The following AGRN variants were observed in gnomAD, a reference collection of about 807,000 sequenced individuals.
AGRN encodes the protein agrin.
Under a neutral mutation model 211.0 loss-of-function variants are expected in AGRN, and 106 were observed. The ratio of observed to expected loss-of-function variants is 0.50; its 90% CI spans 0.43 to 0.59. The LOEUF is 0.59. Ranked by LOEUF, AGRN falls within the 20% of genes least tolerant of loss-of-function variation. The pLI is 0.00. For synonymous variants in AGRN, 1,525 were observed against 1,332.5 expected (o/e 1.14, Z -3.15); for missense variants, 3,040 against 2,982.6 (o/e 1.02, Z -0.45).
Position 1,031,517 on chromosome 1 carries a change from G to A in AGRN, c.464-3760G>A, listed in dbSNP as rs1008251584. On this transcript the variant is annotated intron_variant, in intron 2 of 35. Coordinates refer to ENST00000379370, the MANE Select transcript of AGRN (RefSeq NM_198576.4). This position sits in a 1 kb window ranked among gnomAD's most constrained non-coding sequence, Gnocchi z 4.8. ...GGCCTCTGTGGGGGGCTCAGACACT[G>A]ACTGGGGCTGGGTGGGGCCAGGCTG... is the stretch of plus-strand genomic sequence containing the variant. Among the ~76,000 whole-genome samples the A allele has an allele frequency of 1.8e-4, 27 of 152,176 alleles. No individual in the cohort carries two copies. The highest frequency in any genetic ancestry group is 4.4e-5 in the Non-Finnish European group (3 of 67,992).
intron 18 of AGRN, 22 bp downstream of exon 18, chr1:1,046,757 G>A (rs1319747618): frequency 6.3e-7 from 1 of 1,575,906 alleles, no homozygotes; most frequent in South Asian, 1.1e-5. Context: ...TCAAGGACTT[G>A]GGGTGGGTGG....
chr1:1,051,426 G>T (rs1237837723), intron 31 of AGRN, 27 bp from the exon 32 acceptor site: 2 of 1,542,556 alleles, frequency 1.3e-6, no homozygotes, highest in African/African-American at 2.7e-5. Flanking sequence ...GTGGCAGGCG[G>T]GACAAGGCCC....
Position 1,047,698 on chromosome 1 carries a change from C to T in AGRN, c.3631+11C>T, listed in dbSNP as rs375983353. On this transcript the variant is annotated intron_variant, in intron 21 of 35. Coordinates refer to ENST00000379370, the MANE Select transcript of AGRN (RefSeq NM_198576.4). ...TGCACTTTGACCCCAGTGAGACCTG[C>T]ACCCTGGACCCTTCCTGGGAGGCAA... 10 of 1,612,890 alleles carry T rather than the reference C, an allele frequency of 6.2e-6. No homozygotes were observed. Among genetic ancestry groups the T allele is most frequent in the African/African-American group, 2.7e-5 (2 of 74,944 alleles).
chr1:1,034,523 TGA>T (rs1644753643), intron 2 of AGRN: 1 of 985,896 alleles, frequency 1.0e-6, no homozygotes, highest in East Asian at 1.1e-4. Context: ...CCCCACGCTC[TGA>T]GAGTGGGGCG....
rs1644372496 is a variant in AGRN, at chr1:1,020,503, CCCCGGGAGGGGGGGTCGCCGGGT to C, written c.201+138_201+160del. 5.6e-6 allele frequency: 5 copies of C among 891,106 alleles called. No homozygotes were observed. In the South Asian group the frequency reaches 1.4e-4, roughly 25 times the overall value. 55.2% of individuals were successfully genotyped at this position (891,106 alleles called of 1,614,324 possible). ...TCCGGCTCCCTTGGCGACCGCCAAG[CCCCGGGAGGGGGGGTCGCCGGGT>C]CCCGGGAAACTCGCGGGCGCCGGGG... On this transcript the variant is annotated intron_variant, in intron 1 of 35. Transcript: ENST00000379370.
chr1:1,050,168 C>A (rs925797478), intron 27 of AGRN, 65 bp from the exon 28 acceptor site: 2 of 1,598,144 alleles, frequency 1.3e-6, no homozygotes, highest in Non-Finnish European at 1.7e-6. Context: ...GATCCACACA[C>A]GGCTGGCATG....
rs766846372 is a variant in AGRN, at chr1:1,054,949, A to G, written c.6106A>G (p.Lys2036Glu). 2 of 1,549,094 alleles carry G rather than the reference A, an allele frequency of 1.3e-6. No individual in the cohort carries two copies. Among genetic ancestry groups the G allele is most frequent in the South Asian group, 2.4e-5 (2 of 84,052 alleles). The stretch of plus-strand genomic sequence containing the variant: ...GCACCTGCTGGAGGACGCCGTCACC[A>G]AGCCAGAGCTGCGGCCCTGCCCCAC... ...PLHLLEDAVT[K>E]PELRPCPTP The change falls in exon 36 of 36, where the codon AAG becomes GAG. Residue 2036 changes from lysine to glutamate, a missense_variant. Lys to Glu is a moderately conservative substitution (Grantham distance 56). Transcript: ENST00000379370.
intron 3 of AGRN, among the ~76,000 whole-genome samples, chr1:1,038,680 G>A (rs1186767852): frequency 2.0e-5 from 3 of 152,218 alleles, no homozygotes; most frequent in African/African-American, 7.2e-5. Context: ...GGTGCAGGGA[G>A]GTGACTGGGT....
At position 1,047,082 on chromosome 1, in the gene AGRN, T is replaced by C. The variant is rs3128100; in HGVS notation, c.3388+125T>C. On this transcript the variant is annotated intron_variant, in intron 19 of 35. Coordinates refer to ENST00000379370, the MANE Select transcript of AGRN (RefSeq NM_198576.4). ...TCTTGGGACTCGGCCCCCTCAAACATGTGCGTGCCGGGGACCCCACGCCTA... is the reference window on the plus strand; with the variant it reads ...TCTTGGGACTCGGCCCCCTCAAACACGTGCGTGCCGGGGACCCCACGCCTA... 1,470,432 of 1,475,584 alleles carry C rather than the reference T, an allele frequency of 1. 732,741 individuals are homozygous for C. Among genetic ancestry groups the C allele is most frequent in the East Asian group, 1 (40,187 of 40,188 alleles). 91.4% of individuals were successfully genotyped at this position (1,475,584 alleles called of 1,614,324 possible). A position where few individuals can be genotyped will look rare whatever the true frequency, so the allele number is the denominator to read the frequency against.
intron 3 of AGRN, among the ~76,000 whole-genome samples, chr1:1,039,087 C>T (rs1644866538): frequency 6.6e-6 from 1 of 152,218 alleles, no homozygotes; most frequent in Non-Finnish European, 1.5e-5. Context: ...CTCCTATTCA[C>T]CGAAGGGGAT....
At position 1,055,013 on chromosome 1, in the gene AGRN, T is replaced by A; in HGVS notation, c.*32T>A. ...ACCAGAGCCCCGCGCCCGCTGTAAT[T>A]ATTTTCTATTTTTGTAAACTTGTTG... On this transcript the variant is annotated 3_prime_UTR_variant, in exon 36 of 36. Coordinates refer to ENST00000379370, the MANE Select transcript of AGRN (RefSeq NM_198576.4). 2 of 1,544,452 alleles carry A rather than the reference T, an allele frequency of 1.3e-6. No homozygotes were observed. Among genetic ancestry groups the A allele is most frequent in the South Asian group, 2.4e-5 (2 of 84,008 alleles).
At chr1:1,047,174 C>T in intron 19 of AGRN, 153 bp from the exon 20 acceptor site, 3 of 1,384,070 alleles carry the variant, frequency 2.2e-6, no homozygotes, top group Non-Finnish European at 2.9e-6. Flanking sequence ...TAACCGACAC[C>T]AGCCCCACCC....
intron 2 of AGRN, among the ~76,000 whole-genome samples, chr1:1,025,957 TCTC>T (rs1369238273): frequency 2.6e-5 from 4 of 152,074 alleles, no homozygotes; most frequent in Admixed American, 2.6e-4. Context: ...GTCTTTGACT[TCTC>T]CTGGGCTTGC....
In AGRN at chr1:1,050,471, G is replaced by T; in HGVS notation, c.5021G>T (p.Ser1674Ile). ...LEVVFLARGP[S>I]GLLLYNGQKT... ...GTCGTGTTCCTGGCACGAGGCCCCA[G>T]CGGCCTCCTGCTCTACAACGGGCAG... Residue 1674 changes from serine (S) to isoleucine (I), a missense_variant, in exon 29 of 36, where the codon AGC becomes ATC. Physicochemically the swap from Ser to Ile is moderately radical, Grantham distance 142. Coordinates refer to ENST00000379370, the MANE Select transcript of AGRN (RefSeq NM_198576.4). 4 of 1,612,934 alleles carry T rather than the reference G, an allele frequency of 2.5e-6. No homozygotes were observed. Among genetic ancestry groups the T allele is most frequent in the Non-Finnish European group, 3.4e-6 (4 of 1,179,894 alleles).
intron 24 of AGRN, 47 bp from the exon 25 acceptor site, chr1:1,049,189 G>A (rs1289975195): frequency 1.1e-5 from 16 of 1,485,734 alleles, no homozygotes; most frequent in Admixed American, 2.1e-5. Context: ...TAGGCGGGGT[G>A]GGGACGGGGC....
Position 1,022,352 on chromosome 1 carries a change from A to T in AGRN, c.353A>T (p.Asn118Ile). The change falls in exon 2 of 36, where the codon AAC (asparagine) becomes ATC (isoleucine). Residue 118 changes from asparagine (N) to isoleucine (I), a missense_variant. Asn to Ile is a moderately radical substitution (Grantham distance 149). Coordinates refer to ENST00000379370, the MANE Select transcript of AGRN (RefSeq NM_198576.4). ...STGDTRIFFVNPAPPYLWPAH... is the reference protein window; with the variant it reads ...STGDTRIFFVIPAPPYLWPAH... ...GGGGACACCAGGATCTTCTTTGTGAACCCTGCACCCCCATACCTGTGGCCA... is the reference window on the plus strand; with the variant it reads ...GGGGACACCAGGATCTTCTTTGTGATCCCTGCACCCCCATACCTGTGGCCA... The T allele has an allele frequency of 1.2e-6, 2 of 1,613,144 alleles. No homozygotes were observed. Among genetic ancestry groups the T allele is most frequent in the Non-Finnish European group, 1.7e-6 (2 of 1,179,970 alleles).
At position 1,051,260 on chromosome 1, in the gene AGRN, A is replaced by G; in HGVS notation, c.5261A>G (p.His1754Arg). 4.4e-6 allele frequency: 7 copies of G among 1,581,752 alleles called. No homozygotes were observed. The highest frequency in any genetic ancestry group is 6.0e-6 in the Non-Finnish European group (7 of 1,165,134). ...TACCTGGCGTCCCCGCAGGTTCCGC[A>G]CACCGTCCTCAACCTGAAGGAGCCG... ...PRVLGESPVP[H>R]TVLNLKEPLY... Residue 1754 changes from histidine to arginine, a missense_variant, in exon 31 of 36, where the codon CAC (histidine) becomes CGC (arginine). His to Arg is a conservative substitution (Grantham distance 29). Transcript: ENST00000379370.
Position 1,047,317 on chromosome 1 carries a change from T to G in AGRN, c.3389-10T>G, listed in dbSNP as rs534508619. The stretch of plus-strand genomic sequence containing the variant: ...ATGCCAGGCAGGGCCTCACTGTACC[T>G]CCCCCACAGCCACCAAGGTGTTCCA... On this transcript the variant is annotated splice_polypyrimidine_tract_variant and intron_variant, in intron 19 of 35. Coordinates refer to ENST00000379370, the MANE Select transcript of AGRN (RefSeq NM_198576.4). 1.9e-6 allele frequency: 3 copies of G among 1,593,758 alleles called. No individual in the cohort carries two copies. The South Asian group carries it at 3.4e-5, about 18-fold the overall frequency.
At position 1,047,559 on chromosome 1, in the gene AGRN, A is replaced by G; in HGVS notation, c.3517-14A>G. On this transcript the variant is annotated splice_polypyrimidine_tract_variant and intron_variant, in intron 20 of 35. Coordinates refer to ENST00000379370, the MANE Select transcript of AGRN (RefSeq NM_198576.4). ...TGGGCGGCCCCCCAAGTCCTTGCCT[A>G]CTCCCTGCCACAGCTGGACGACCTC... 1 of 1,612,276 alleles carries G rather than the reference A, an allele frequency of 6.2e-7. No individual in the cohort carries two copies. Among genetic ancestry groups the G allele is most frequent in the South Asian group, 1.1e-5 (1 of 91,050 alleles).
Sources: gnomAD v4.1 joint callset for allele counts (sites outside exome capture counted in the v4.1 genomes callset) on GRCh38, gnomAD v4.1.1 for gene constraint, Gnocchi (gnomAD v3.1) non-coding constraint, MANE v1.5 for transcripts, NCBI Gene and HGNC (gene_info 2026-07-23, HGNC 2026-07-21) for gene names.